Variants in RYR1 observed in about 807,000 individuals in gnomAD.
RYR1 encodes the protein central core disease of muscle.
Under a neutral mutation model 583.5 loss-of-function variants are expected in RYR1, and 342 were observed. That is an observed-to-expected ratio of 0.59 (90% CI 0.54 to 0.64). The LOEUF is 0.64. RYR1 is among the 30% of genes least tolerant of loss of function. The probability of loss-of-function intolerance (pLI) is 0.00; values close to 1 mark genes in which losing one functional copy is unlikely to be tolerated. For missense variants in RYR1, 6,032 were observed against 6,917.2 expected, an observed-to-expected ratio of 0.87 and a Z score of 4.54; for synonymous variants, 2,791 against 2,822.5, an observed-to-expected ratio of 0.99 and a Z score of 0.35.
At chr19:38,575,807 A>G (rs545024958) in intron 96 of RYR1, 112 bp from the exon 97 acceptor site, 6 of 1,203,670 alleles carry the variant, frequency 5.0e-6, no homozygotes, top group Middle Eastern at 1.9e-4. Context: ...CATCTCAAAA[A>G]AAAAGGAAAA....
intron 2 of RYR1, among the ~76,000 whole-genome samples, chr19:38,441,204 G>A (rs538340957): frequency 1.2e-4 from 17 of 147,810 alleles, no homozygotes; most frequent in Middle Eastern, 3.5e-3. Context: ...CAGAAGAAGG[G>A]CTGGTTGGGG....
chr19:38,493,132 C>T (rs1404112446), intron 38 of RYR1, among the ~76,000 whole-genome samples: 1 of 151,886 alleles, frequency 6.6e-6, no homozygotes, highest in Non-Finnish European at 1.5e-5. Flanking sequence ...GGCTGTAGAA[C>T]GTGTGTGTTG....
chr19:38,512,252 A>G lies in RYR1; in HGVS notation c.9241A>G (p.Met3081Val), dbSNP rs375292503. Residue 3081 changes from methionine to valine, a missense_variant, in exon 63 of 106, where the codon ATG becomes GTG. Transcript: ENST00000359596. The surrounding 1 kb of genome is among the most constrained non-coding windows in gnomAD (Gnocchi z 5.1). Reference sequence around the variant, plus strand: ...CCCCCGCTGCCCTTCTAGGACAGTGATGAAGTCAGGCCCTGAGATCGTGAA... The same window carrying G: ...CCCCCGCTGCCCTTCTAGGACAGTGGTGAAGTCAGGCCCTGAGATCGTGAA... ...LARSLDARTV[M>V]KSGPEIVKAG... The G allele has an allele frequency of 1.2e-6, 2 of 1,614,200 alleles. No individual in the cohort carries two copies. Among genetic ancestry groups the G allele is most frequent in the South Asian group, 1.1e-5 (1 of 91,088 alleles).
At chr19:38,573,707 C>A (rs1416425148) in intron 96 of RYR1, among the ~76,000 whole-genome samples, 3 of 150,698 alleles carry the variant, frequency 2.0e-5, no homozygotes, top group Admixed American at 6.6e-5. Context: ...AAAAAAAAAA[C>A]CTAGGGTTTC....
intron 67 of RYR1, among the ~76,000 whole-genome samples, chr19:38,520,411 T>C (rs1190971591): frequency 6.7e-6 from 1 of 148,640 alleles, no homozygotes; most frequent in African/African-American, 2.5e-5. Context: ...GAAAGACATA[T>C]AGGCCGGGTG....
chr19:38,585,831 T>G, intron 102 of RYR1, 107 bp from the exon 103 acceptor site: 21 of 1,293,892 alleles, frequency 1.6e-5, no homozygotes, highest in South Asian at 2.4e-5. Context: ...AGGGGTGAGA[T>G]TAGGGAAATG....
intron 42 of RYR1, 68 bp downstream of exon 42, chr19:38,497,022 C>T: frequency 5.2e-6 from 7 of 1,339,250 alleles, no homozygotes; most frequent in Non-Finnish European, 7.5e-6. Flanking sequence ...CTGCTTGGGA[C>T]ACCTGCTGAT....
chr19:38,502,848 G>A, intron 48 of RYR1, 32 bp from the exon 49 acceptor site: 3 of 1,602,886 alleles, frequency 1.9e-6, no homozygotes, highest in East Asian at 2.2e-5. Flanking sequence ...GGCCTGGACG[G>A]GGGATTCTAC....
intron 48 of RYR1, 47 bp downstream of exon 48, chr19:38,502,774 C>A: frequency 2.7e-6 from 2 of 733,718 alleles, no homozygotes; most frequent in Admixed American, 5.8e-5. Context: ...GGGGCAGGGG[C>A]AGGGGCAGGG....
chr19:38,575,929 A>G lies in RYR1; in HGVS notation c.14140A>G (p.Ser4714Gly). The stretch of plus-strand genomic sequence containing the variant: ...TCTCTCTCTCTGCAGGTCTTTCCCT[A>G]GCAACTACTGGGACAAGTTTGTCAA... Reference protein sequence around the residue: ...RLVLNTPSFPSNYWDKFVKRK... With the variant: ...RLVLNTPSFPGNYWDKFVKRK... The change falls in exon 97 of 106, where the codon AGC (serine) becomes GGC (glycine). Residue 4714 changes from serine (S) to glycine (G), a missense_variant. Physicochemically the swap from Ser to Gly is moderately conservative, Grantham distance 56 (BLOSUM62 0). Coordinates refer to ENST00000359596, the MANE Select transcript of RYR1 (RefSeq NM_000540.3). 6.2e-7 allele frequency: 1 copy of G among 1,614,104 alleles called. No homozygotes were observed.
Position 38,506,959 on chromosome 19 carries a change from G to A in RYR1, c.8816+7G>A, listed in dbSNP as rs776097790. The A allele has an allele frequency of 1.9e-6, 3 of 1,612,412 alleles. No individual in the cohort carries two copies. The highest frequency in any genetic ancestry group is 2.1e-4 in the Middle Eastern group (1 of 4,676). The stretch of plus-strand genomic sequence containing the variant: ...ATGGCTACGCGGTTACAAGGCACGC[G>A]GGTTGGGGCTCCCGCGGAAGAGCAG... On this transcript the variant is annotated splice_region_variant and intron_variant, in intron 57 of 105. Transcript: ENST00000359596.
intron 101 of RYR1, among the ~76,000 whole-genome samples, chr19:38,582,805 G>A (rs1428054369): frequency 1.3e-5 from 2 of 152,142 alleles, no homozygotes; most frequent in Non-Finnish European, 2.9e-5. Flanking sequence ...CATTTCTGGG[G>A]TTTATCTCCA....
rs946973081 is a variant in RYR1, at chr19:38,517,704, G to T, written c.10018+13G>T. Reference sequence around the variant, plus strand: ...AAGCGGCTGGCTGGTGGGTCGGGGGGCACTGGGCCTCTGAGGGGTGGGTCA... The same window carrying T: ...AAGCGGCTGGCTGGTGGGTCGGGGGTCACTGGGCCTCTGAGGGGTGGGTCA... On this transcript the variant is annotated intron_variant, in intron 66 of 105. Transcript: ENST00000359596. 1.2e-6 allele frequency: 2 copies of T among 1,613,202 alleles called. No individual in the cohort carries two copies. Among genetic ancestry groups the T allele is most frequent in the African/African-American group, 1.3e-5 (1 of 74,898 alleles).
At chr19:38,439,432 C>T (rs1314724513) in intron 1 of RYR1, among the ~76,000 whole-genome samples, 1 of 152,174 alleles carries the variant, frequency 6.6e-6, no homozygotes, top group Non-Finnish European at 1.5e-5. Flanking sequence ...CTTCTGACCT[C>T]AGGTGATCCA....
At chr19:38,581,299 G>A (rs950972639) in intron 101 of RYR1, among the ~76,000 whole-genome samples, 2 of 152,134 alleles carry the variant, frequency 1.3e-5, no homozygotes, top group East Asian at 1.9e-4. Flanking sequence ...GGATGGTCTC[G>A]ATCTCCTGAC....
chr19:38,451,980 C>A, intron 12 of RYR1, 95 bp downstream of exon 12: 1 of 1,547,040 alleles, frequency 6.5e-7, no homozygotes, highest in Non-Finnish European at 8.9e-7. Context: ...ACCTCTGTTG[C>A]CCACACCCTT....
intron 99 of RYR1, among the ~76,000 whole-genome samples, chr19:38,578,981 C>T (rs1334356335): frequency 2.6e-5 from 4 of 151,916 alleles, no homozygotes; most frequent in Non-Finnish European, 5.9e-5. Flanking sequence ...ATTAGCCAGG[C>T]GTGGTGGTGC....
At chr19:38,506,437 T>C (rs1184008777) in intron 55 of RYR1, 34 bp from the exon 56 acceptor site, 1 of 1,613,718 alleles carries the variant, frequency 6.2e-7, no homozygotes, top group Non-Finnish European at 8.5e-7. Context: ...TGGCATCCTC[T>C]GAATCTAGCC....
rs190401789 is a variant in RYR1, at chr19:38,469,993, C to T, written c.3765+480C>T. 3.3e-5 allele frequency among the ~76,000 whole-genome samples: 5 copies of T among 152,126 alleles called. No homozygotes were observed. The East Asian group carries it at 9.7e-4, about 29-fold the overall frequency. ...GTTGAGACTGGAGGATTGCTTGATT[C>T]CAAGAGGTCAAGACTGCAGTGAATT... On this transcript the variant is annotated intron_variant, in intron 27 of 105. Transcript: ENST00000359596.
Sources: gnomAD v4.1 joint callset for allele counts (sites outside exome capture counted in the v4.1 genomes callset) on GRCh38, gnomAD v4.1.1 for gene constraint, Gnocchi (gnomAD v3.1) non-coding constraint, MANE v1.5 for transcripts, NCBI Gene and HGNC (gene_info 2026-07-23, HGNC 2026-07-21) for gene names.